Variants in NXPE2 observed in about 807,000 individuals in gnomAD.
NXPE2 encodes neurexophilin and PC-esterase domain family member 2, also known as NXPE family member 2.
NXPE2 carries 34 observed loss-of-function variants against 34.4 expected under a neutral mutation model. That is an observed-to-expected ratio of 0.99 (90% confidence interval 0.75 to 1.31). The LOEUF is 1.31. Among genes scored for constraint, NXPE2 ranks in the 40% most tolerant of loss-of-function variants. NXPE2 has a pLI of 0.00. For missense variants in NXPE2, 649 were observed against 672.5 expected, an observed-to-expected ratio of 0.97 and a Z score of 0.39; for synonymous variants, 235 against 231.3, an observed-to-expected ratio of 1.02 and a Z score of -0.15.
chr11:114,582,873 T>A, the NXPE2 span: 2 of 1,614,212 alleles, frequency 1.2e-6, no homozygotes, highest in Non-Finnish European at 1.7e-6. Flanking sequence ...GGGTGGGATC[T>A]GCTGATCTAG....
the NXPE2 span, among the ~76,000 whole-genome samples, chr11:114,600,285 G>A: frequency 2.6e-5 from 4 of 152,086 alleles, no homozygotes; most frequent in African/African-American, 9.7e-5. Context: ...GCAATAATCT[G>A]CCAGCCTTTT....
chr11:114,694,684 C>A (rs1022057075), intron 2 of NXPE2, among the ~76,000 whole-genome samples: 1 of 152,088 alleles, frequency 6.6e-6, no homozygotes, highest in Non-Finnish European at 1.5e-5. Context: ...TACTTTCAAG[C>A]TCTCTTATTT....
chr11:114,662,108 C>T, the NXPE2 span, among the ~76,000 whole-genome samples: 3 of 152,270 alleles, frequency 2.0e-5, no homozygotes, highest in Middle Eastern at 3.4e-3. Context: ...CTCATTTTAA[C>T]TCCATATCAC....
At chr11:114,762,562 C>T in the NXPE2 span, among the ~76,000 whole-genome samples, 2 of 152,224 alleles carry the variant, frequency 1.3e-5, no homozygotes, top group East Asian at 3.9e-4. Context: ...TGGTAATGAA[C>T]AGACGCTGAA....
chr11:114,790,671 C>G, the NXPE2 span, among the ~76,000 whole-genome samples: 4 of 152,172 alleles, frequency 2.6e-5, no homozygotes, highest in Non-Finnish European at 4.4e-5. Context: ...ACCATGGGGA[C>G]AAGTCAGGCA....
At chr11:114,634,503 A>C in the NXPE2 span, among the ~76,000 whole-genome samples, 2 of 151,950 alleles carry the variant, frequency 1.3e-5, no homozygotes, top group Non-Finnish European at 2.9e-5. Flanking sequence ...TTTTGTTGCT[A>C]TTGCTTTTGG....
rs1456654444 is a variant in NXPE2, at chr11:114,698,202, C to A, written c.290C>A (p.Pro97His). The A allele has an allele frequency of 1.9e-6, 3 of 1,614,002 alleles. No homozygotes were observed. The highest frequency in any genetic ancestry group is 4.5e-5 in the East Asian group (2 of 44,884). ...GAGAAACTAGACCAGCAGATCCCAC[C>A]CAGACCTTTCACCCATGTGAATACC... ...IMEKLDQQIP[P>H]RPFTHVNTTT... is the part of the protein sequence containing the mutation. Residue 97 changes from proline (P) to histidine (H), a missense_variant, in exon 3 of 6, where the codon CCC becomes CAC. Pro to His is a moderately conservative substitution (Grantham distance 77). Coordinates refer to ENST00000389586, the MANE Select transcript of NXPE2 (RefSeq NM_182495.6).
rs1259376120 is a variant in NXPE2 at position 114,706,659 on chromosome 11, A to G, written c.1409A>G (p.Gln470Arg). The G allele has an allele frequency of 6.4e-7, 1 of 1,552,022 alleles. No individual in the cohort carries two copies. The highest frequency in any genetic ancestry group is 2.4e-5 in the East Asian group (1 of 41,068). The stretch of plus-strand genomic sequence containing the variant: ...TTCATCCGTAGGGCCATCAATATTC[A>G]AAAGGCCATTGAACGTCTATTCTTG... ...NIFIRRAINI[Q>R]KAIERLFLRS... Residue 470 changes from glutamine to arginine, a missense_variant, in exon 6 of 6, where the codon CAA becomes CGA. Physicochemically the swap from Gln to Arg is conservative, Grantham distance 43. Transcript: ENST00000389586.
At chr11:114,568,166 A>T in the NXPE2 span, among the ~76,000 whole-genome samples, 230 of 152,316 alleles carry the variant, frequency 1.5e-3, 1 homozygote, top group Non-Finnish European at 2.4e-3. Flanking sequence ...TTTAGAGTTC[A>T]CATATTACAA....
chr11:114,649,065 C>T, the NXPE2 span, among the ~76,000 whole-genome samples: 7 of 151,812 alleles, frequency 4.6e-5, no homozygotes, highest in African/African-American at 1.7e-4. Context: ...ATGGTTATAA[C>T]TGATATTTAT....
At chr11:114,722,838 TGTG>T in the NXPE2 span, among the ~76,000 whole-genome samples, 13 of 152,346 alleles carry the variant, frequency 8.5e-5, no homozygotes, top group African/African-American at 3.1e-4. Flanking sequence ...TGTTCTTTGT[TGTG>T]AGATTATTTC....
chr11:114,487,177 G>A, the NXPE2 span, among the ~76,000 whole-genome samples: 1 of 151,900 alleles, frequency 6.6e-6, no homozygotes, highest in Non-Finnish European at 1.5e-5. Flanking sequence ...TTGCATCAGT[G>A]TTTTATAGTT....
chr11:114,782,574 T>C, the NXPE2 span, among the ~76,000 whole-genome samples: 20,457 of 152,298 alleles, frequency 0.13, 1,717 homozygotes, highest in East Asian at 0.41. Context: ...GATTTTGTTA[T>C]GCCCACTTTA....
chr11:114,583,700 T>C, the NXPE2 span: 2 of 571,690 alleles, frequency 3.5e-6, no homozygotes, highest in Non-Finnish European at 7.0e-6. Context: ...GGCATCTGGC[T>C]TCTGTTATGT....
upstream of NXPE2, among the ~76,000 whole-genome samples, chr11:114,677,782 A>G (rs1429258552): frequency 2.0e-5 from 3 of 152,082 alleles, no homozygotes; most frequent in African/African-American, 7.2e-5. Context: ...ATCTATCTAT[A>G]TCTGTATATA....
At chr11:114,608,431 TC>T in the NXPE2 span, among the ~76,000 whole-genome samples, 630 of 151,994 alleles carry the variant, frequency 4.1e-3, 6 homozygotes, top group South Asian at 0.014. Flanking sequence ...AAGTGTTGCC[TC>T]GCAGGAAAGC....
the NXPE2 span, among the ~76,000 whole-genome samples, chr11:114,566,697 TTC>T: frequency 0.13 from 19,474 of 149,818 alleles, 1,366 homozygotes; most frequent in South Asian, 0.23. Context: ...ATCAAGGGAT[TTC>T]TCTCTCTCTC....
At chr11:114,595,342 A>C in the NXPE2 span, among the ~76,000 whole-genome samples, 2 of 152,162 alleles carry the variant, frequency 1.3e-5, no homozygotes, top group African/African-American at 4.8e-5. Flanking sequence ...GTATTTTTCC[A>C]TGATTCATCT....
chr11:114,495,390 C>A, the NXPE2 span, among the ~76,000 whole-genome samples: 3 of 151,802 alleles, frequency 2.0e-5, no homozygotes, highest in African/African-American at 7.3e-5. Context: ...CTCTGTTCTA[C>A]TGTGGCTGAA....
Sources: gnomAD v4.1 joint callset for allele counts (sites outside exome capture counted in the v4.1 genomes callset) on GRCh38, gnomAD v4.1.1 for gene constraint, MANE v1.5 for transcripts, NCBI Gene and HGNC (gene_info 2026-07-23, HGNC 2026-07-21) for gene names.